Variants in ZNF423 observed in about 807,000 individuals in gnomAD.
ZNF423 encodes Ebf-associated zinc finger protein.
A neutral mutation model predicts 95.8 loss-of-function variants in ZNF423; 12 were observed. That is an observed-to-expected ratio of 0.13 (90% confidence interval 0.08 to 0.20). The LOEUF (loss-of-function observed/expected upper bound fraction) is 0.20. Ranked by LOEUF, ZNF423 falls within the 10% of genes least tolerant of loss-of-function variation. The pLI is 1.00. For missense variants in ZNF423, 1,316 were observed against 1,737.1 expected, an observed-to-expected ratio of 0.76 and a Z score of 4.31; for synonymous variants, 749 against 711.9, an observed-to-expected ratio of 1.05 and a Z score of -0.83.
chr16:49,576,930 A>G (rs1970518066), intron 5 of ZNF423, among the ~76,000 whole-genome samples: 1 of 152,254 alleles, frequency 6.6e-6, no homozygotes, highest in African/African-American at 2.4e-5. Flanking sequence ...ATTACTAAAC[A>G]TTTACCAAAT....
chr16:49,564,352 G>A (rs1006464628), intron 5 of ZNF423, among the ~76,000 whole-genome samples: 2 of 151,994 alleles, frequency 1.3e-5, no homozygotes, highest in Non-Finnish European at 2.9e-5. Context: ...TCTCTCTTTT[G>A]GCATGCTGGC....
At chr16:49,648,947 G>A (rs1207305777) in intron 3 of ZNF423, among the ~76,000 whole-genome samples, 2 of 152,128 alleles carry the variant, frequency 1.3e-5, no homozygotes, top group Non-Finnish European at 2.9e-5. Context: ...TATCTGTAGA[G>A]GACCATCTTG....
intron 7 of ZNF423, among the ~76,000 whole-genome samples, chr16:49,498,617 G>C (rs1967259556): frequency 6.6e-6 from 1 of 152,218 alleles, no homozygotes; most frequent in Non-Finnish European, 1.5e-5. Flanking sequence ...AGGTGTGTCA[G>C]CAGGGCCTTC....
chr16:49,602,807 C>G (rs1415970499), intron 5 of ZNF423, among the ~76,000 whole-genome samples: 1 of 152,198 alleles, frequency 6.6e-6, no homozygotes, highest in Non-Finnish European at 1.5e-5. Context: ...AAACCGAGCA[C>G]AAGAGACAAG....
intron 3 of ZNF423, among the ~76,000 whole-genome samples, chr16:49,704,352 T>C (rs2032285896): frequency 6.6e-6 from 1 of 152,176 alleles, no homozygotes; most frequent in East Asian, 1.9e-4. Flanking sequence ...TCTGGGTCCC[T>C]CAGTCCTACC....
chr16:49,633,092 A>T (rs528003214), intron 4 of ZNF423, among the ~76,000 whole-genome samples: 1 of 152,202 alleles, frequency 6.6e-6, no homozygotes, highest in Non-Finnish European at 1.5e-5. Flanking sequence ...GGTCAAGATC[A>T]GGGGCTGTGG....
rs138032678 is a variant in ZNF423 at position 49,667,621 on chromosome 16, C to A, written c.302-28747G>T. Among the ~76,000 whole-genome samples, 76 of 152,348 alleles carry A rather than the reference C, an allele frequency of 5.0e-4. 1 individual carries two copies. The East Asian group carries it at 0.011, about 22-fold the overall frequency. On this transcript the variant is annotated intron_variant, in intron 3 of 7. Transcript: ENST00000563137. ...CGAGGGCTGGGCACAGTGGCCCATG[C>A]CTATAATCCCAGCACTTTGGGAAGC... is the stretch of plus-strand genomic sequence containing the variant.
Position 49,637,133 on chromosome 16 carries a change from G to A in ZNF423, c.2043C>T (p.Ser681=), listed in dbSNP as rs766568197. The A allele has an allele frequency of 6.2e-7, 1 of 1,613,438 alleles. No individual in the cohort carries two copies. The highest frequency in any genetic ancestry group is 1.3e-5 in the African/African-American group (1 of 74,950). The change falls in exon 4 of 8, where the codon TCC becomes TCT. Residue 681 remains serine, a synonymous_variant. Transcript: ENST00000563137. This position sits in a 1 kb window ranked among gnomAD's most constrained non-coding sequence, Gnocchi z 5.6. ...ACPQCKEDFD[S]QESLLQHLTV... ...TCAGGTGCTGCAGGAGGGACTCCTG[G>A]GAGTCAAAGTCCTCTTTGCACTGGG...
chr16:49,673,509 C>T (rs1299061023), intron 3 of ZNF423, among the ~76,000 whole-genome samples: 1 of 152,242 alleles, frequency 6.6e-6, no homozygotes, highest in Non-Finnish European at 1.5e-5. Context: ...GGAAAACCTC[C>T]AGCTGCAGCT....
At chr16:49,539,465 A>G (rs901100922) in intron 5 of ZNF423, among the ~76,000 whole-genome samples, 1 of 152,162 alleles carries the variant, frequency 6.6e-6, no homozygotes, top group African/African-American at 2.4e-5. Context: ...GTCAGATTGC[A>G]CAGGTTCAAA....
In ZNF423 at chr16:49,636,395, T is replaced by A; in HGVS notation, c.2781A>T (p.Ser927=). The change falls in exon 4 of 8, where the codon TCA becomes TCT. Residue 927 remains serine, a synonymous_variant. Coordinates refer to ENST00000563137, the MANE Select transcript of ZNF423 (RefSeq NM_001379286.1). This position sits in a 1 kb window ranked among gnomAD's most constrained non-coding sequence, Gnocchi z 8.6. ...HNIRPGEDDG[S]RKKAEFIKGS... is the part of the protein sequence containing the mutation. ...CCTTGATAAACTCAGCCTTCTTGCG[T>A]GAGCCATCATCCTCGCCCGGCCGGA... 6.2e-7 allele frequency: 1 copy of A among 1,613,262 alleles called. No homozygotes were observed. The highest frequency in any genetic ancestry group is 1.3e-5 in the African/African-American group (1 of 75,074).
chr16:49,741,741 AGAGCAGTCAGCT>A lies in ZNF423; in HGVS notation c.101-10782_101-10771del, dbSNP rs200023537. Among the ~76,000 whole-genome samples, 16 of 152,376 alleles carry A rather than the reference AGAGCAGTCAGCT, an allele frequency of 1.1e-4. No individual in the cohort carries two copies. In the East Asian group the frequency reaches 2.3e-3, roughly 22 times the overall value. On this transcript the variant is annotated intron_variant, in intron 2 of 7. Coordinates refer to ENST00000563137, the MANE Select transcript of ZNF423 (RefSeq NM_001379286.1). ...GTCATCTGCTCATTCCTCACCAGAA[AGAGCAGTCAGCT>A]GAGCAGTCAGCTAAGCAGTGATGAA...
chr16:49,604,220 C>G (rs984680925), intron 5 of ZNF423, among the ~76,000 whole-genome samples: 1 of 152,224 alleles, frequency 6.6e-6, no homozygotes, highest in Non-Finnish European at 1.5e-5. Context: ...AAAGCACCCA[C>G]GGCCACTGAC....
At chr16:49,520,785 T>C (rs1034110693) in intron 7 of ZNF423, among the ~76,000 whole-genome samples, 1 of 152,110 alleles carries the variant, frequency 6.6e-6, no homozygotes, top group Non-Finnish European at 1.5e-5. Context: ...GTAGGGACAA[T>C]GAACACTCCA....
chr16:49,831,142 A>C (rs1397366327), intron 1 of ZNF423, among the ~76,000 whole-genome samples: 2 of 152,280 alleles, frequency 1.3e-5, no homozygotes, highest in East Asian at 3.9e-4. Context: ...ACATGGTCAA[A>C]GTACAGCTCA....
At chr16:49,826,165 T>C (rs1194399776) in intron 1 of ZNF423, among the ~76,000 whole-genome samples, 1 of 152,132 alleles carries the variant, frequency 6.6e-6, no homozygotes, top group African/African-American at 2.4e-5. Flanking sequence ...TGAGCGGAGA[T>C]TGTACCACTG....
chr16:49,523,598 G>C, intron 7 of ZNF423, 26 bp downstream of exon 7: 2 of 1,590,558 alleles, frequency 1.3e-6, no homozygotes, highest in Non-Finnish European at 1.7e-6. Flanking sequence ...ATCAGGCGGC[G>C]TGGTGCAGCG....
At chr16:49,612,747 T>C (rs1012685218) in intron 5 of ZNF423, among the ~76,000 whole-genome samples, 1 of 152,098 alleles carries the variant, frequency 6.6e-6, no homozygotes, top group African/African-American at 2.4e-5. Flanking sequence ...ACTGTCCCAA[T>C]TTACAGATGG....
intron 5 of ZNF423, among the ~76,000 whole-genome samples, chr16:49,593,466 ACCTCACTCTTGT>A (rs1396249907): frequency 6.6e-6 from 1 of 151,508 alleles, no homozygotes. Context: ...CCATTCACAG[ACCTCACTCTTGT>A]CCCTTAGAGG....
Sources: allele counts gnomAD v4.1 joint callset (sites outside exome capture counted in the v4.1 genomes callset), GRCh38; gene constraint gnomAD v4.1.1; non-coding constraint Gnocchi (gnomAD v3.1); transcripts MANE v1.5; gene names NCBI Gene and HGNC (gene_info 2026-07-23, HGNC 2026-07-21).